ATP2B2: variants seen among roughly 807,000 people sequenced by gnomAD.
ATP2B2 encodes ATPase plasma membrane Ca2+ transporting 2, also known as plasma membrane calcium-transporting ATPase 2.
In ATP2B2, 15 loss-of-function variants were observed where a neutral mutation model predicts 120.0. The observed-to-expected ratio is 0.12, with a 90% CI of 0.08 to 0.19. ATP2B2 has a LOEUF of 0.19. ATP2B2 is among the 10% of genes least tolerant of loss of function. The pLI, the probability that ATP2B2 is intolerant of heterozygous loss-of-function variation, is 1.00. For synonymous variants in ATP2B2, 694 were observed against 700.3 expected (o/e 0.99, Z 0.14); for missense variants, 1,045 against 1,719.8 (o/e 0.61, Z 6.94).
At chr3:10,426,616 A>G (rs1417117578) in intron 2 of ATP2B2, among the ~76,000 whole-genome samples, 2 of 152,332 alleles carry the variant, frequency 1.3e-5, no homozygotes, top group Non-Finnish European at 2.9e-5. Context: ...GGGAAATGCA[A>G]TCTCCAGCCT....
chr3:10,530,428 G>C (rs2067187004), intron 3 of ATP2B2, among the ~76,000 whole-genome samples: 2 of 152,216 alleles, frequency 1.3e-5, no homozygotes, highest in African/African-American at 4.8e-5. Flanking sequence ...CCTGCGGCCG[G>C]AGTGTCCCAC....
intron 5 of ATP2B2, among the ~76,000 whole-genome samples, chr3:10,391,300 T>C (rs1168431459): frequency 6.6e-6 from 1 of 152,208 alleles, no homozygotes. Context: ...GTTGTCTTTG[T>C]TACCTTCCAC....
chr3:10,336,245 C>G, intron 22 of ATP2B2: 1 of 1,550,596 alleles, frequency 6.4e-7, no homozygotes, highest in Non-Finnish European at 8.7e-7. Flanking sequence ...CGAGGACTGT[C>G]TCCGCAGGGC....
At chr3:10,483,450 G>A (rs1167096144) in intron 1 of ATP2B2, among the ~76,000 whole-genome samples, 1 of 152,184 alleles carries the variant, frequency 6.6e-6, no homozygotes. Flanking sequence ...GGTCTGTGCC[G>A]ACACCACCCC....
At chr3:10,505,952 G>C (rs1016431042), upstream of ATP2B2, among the ~76,000 whole-genome samples, 1 of 152,110 alleles carries the variant, frequency 6.6e-6, no homozygotes, top group Non-Finnish European at 1.5e-5. Flanking sequence ...GTAGGGCTGG[G>C]CTGTGCTGGA....
Position 10,329,921 on chromosome 3 carries a change from G to A in ATP2B2, c.3421-796C>T, listed in dbSNP as rs1038365036. Among the ~76,000 whole-genome samples, 4 of 152,170 alleles carry A rather than the reference G, an allele frequency of 2.6e-5. No homozygotes were observed. The highest frequency in any genetic ancestry group is 4.8e-5 in the African/African-American group (2 of 41,428). The stretch of plus-strand genomic sequence containing the variant: ...TGAACGGAGGTCGTTTGTACCCAGC[G>A]TTTCTTTCCTTCATGCATTTGGGAG... On this transcript the variant is annotated intron_variant, in intron 22 of 22. Coordinates refer to ENST00000360273, the MANE Select transcript of ATP2B2 (RefSeq NM_001001331.4). The surrounding 1 kb of genome is among the most constrained non-coding windows in gnomAD (Gnocchi z 5.9).
chr3:10,381,451 T>C (rs2061528680), intron 8 of ATP2B2, among the ~76,000 whole-genome samples: 1 of 152,216 alleles, frequency 6.6e-6, no homozygotes, highest in Admixed American at 6.5e-5. Flanking sequence ...CAATAGCCGG[T>C]GTGTGCACTC....
At chr3:10,696,287 T>C (rs367570379) in intron 1 of ATP2B2, among the ~76,000 whole-genome samples, 1 of 152,348 alleles carries the variant, frequency 6.6e-6, no homozygotes, top group East Asian at 1.9e-4. Flanking sequence ...TCCGGCATAA[T>C]TGCAGTGTTC....
At chr3:10,680,076 TTGAA>T (rs931957277) in intron 1 of ATP2B2, among the ~76,000 whole-genome samples, 1 of 152,182 alleles carries the variant, frequency 6.6e-6, no homozygotes, top group African/African-American at 2.4e-5. Flanking sequence ...TAAACATTTG[TTGAA>T]TGAATGAATG....
intron 2 of ATP2B2, among the ~76,000 whole-genome samples, chr3:10,422,348 A>G (rs1441256795): frequency 6.6e-6 from 1 of 152,190 alleles, no homozygotes; most frequent in Non-Finnish European, 1.5e-5. Flanking sequence ...TGGGCTGTCA[A>G]GGTAAGTTCA....
At chr3:10,559,087 T>G (rs1471176569) in intron 2 of ATP2B2, among the ~76,000 whole-genome samples, 1 of 152,238 alleles carries the variant, frequency 6.6e-6, no homozygotes, top group African/African-American at 2.4e-5. Flanking sequence ...TCCAGGCTCC[T>G]CAGTTTTGAA....
intron 2 of ATP2B2, among the ~76,000 whole-genome samples, chr3:10,444,541 G>A (rs910394437): frequency 3.3e-5 from 5 of 152,134 alleles, no homozygotes; most frequent in African/African-American, 4.8e-5. Flanking sequence ...AAAATTAACC[G>A]GAGGTTCCGT....
At chr3:10,462,702 G>C (rs929734854) in intron 1 of ATP2B2, among the ~76,000 whole-genome samples, 1 of 152,198 alleles carries the variant, frequency 6.6e-6, no homozygotes, top group Non-Finnish European at 1.5e-5. Context: ...GGGCTTTTCT[G>C]ACTCTGAAGC....
At chr3:10,383,891 T>C (rs1485614934) in intron 8 of ATP2B2, among the ~76,000 whole-genome samples, 2 of 152,182 alleles carry the variant, frequency 1.3e-5, no homozygotes, top group Non-Finnish European at 2.9e-5. Context: ...GGTCTGTATG[T>C]TCACAAAGCT....
intron 5 of ATP2B2, among the ~76,000 whole-genome samples, chr3:10,388,607 G>A (rs1472470454): frequency 1.3e-5 from 2 of 152,134 alleles, no homozygotes. Context: ...TGGAAACACT[G>A]CTACCTATCA....
At chr3:10,504,723 A>T (rs1481619012) in intron 1 of ATP2B2, among the ~76,000 whole-genome samples, 1 of 152,106 alleles carries the variant, frequency 6.6e-6, no homozygotes, top group Non-Finnish European at 1.5e-5. Context: ...GGGGGCAGGG[A>T]GGAGCCTCAG....
chr3:10,359,932 G>C lies in ATP2B2; in HGVS notation c.1851C>G (p.Asp617Glu), dbSNP rs148749880. The C allele has an allele frequency of 6.2e-7, 1 of 1,614,214 alleles. No individual in the cohort carries two copies. The highest frequency in any genetic ancestry group is 1.3e-5 in the African/African-American group (1 of 75,048). ...KSMSTVIKLP[D>E]ESFRMYSKGA... ...CCTTGCTGTACATGCGGAAGCTCTC[G>C]TCGGGCAGCTTGATGACAGTGCTCA... The change falls in exon 13 of 23, where the codon GAC becomes GAG. Residue 617 changes from aspartate to glutamate, a missense_variant. This residue lies in a region of ATP2B2 where 343 missense variants were observed against 536.8 expected (regional missense o/e 0.64). Coordinates refer to ENST00000360273, the MANE Select transcript of ATP2B2 (RefSeq NM_001001331.4).
chr3:10,626,261 G>C (rs1235529615), intron 1 of ATP2B2: 2 of 152,272 alleles, frequency 1.3e-5, no homozygotes, highest in Non-Finnish European at 2.9e-5. Context: ...ACAGGGTAAA[G>C]GGCTCAGGGT....
chr3:10,345,316 G>T (rs183568095), intron 18 of ATP2B2, 68 bp downstream of exon 18: 1 of 1,568,432 alleles, frequency 6.4e-7, no homozygotes, highest in African/African-American at 1.4e-5. Context: ...AGTACCCTAA[G>T]GCCCCCGAGC....
Sources: allele counts gnomAD v4.1 joint callset (sites outside exome capture counted in the v4.1 genomes callset), GRCh38; gene constraint gnomAD v4.1.1; regional missense constraint gnomAD v4.1.1; non-coding constraint Gnocchi (gnomAD v3.1); transcripts MANE v1.5; gene names NCBI Gene and HGNC (gene_info 2026-07-23, HGNC 2026-07-21).